Variants in CNOT6L observed in about 807,000 individuals in gnomAD.
CNOT6L encodes CCR4-NOT transcription complex subunit 6 like.
Under a neutral mutation model 64.0 loss-of-function variants are expected in CNOT6L, and 7 were observed. The observed-to-expected ratio is 0.11, with a 90% CI of 0.06 to 0.21. The LOEUF (loss-of-function observed/expected upper bound fraction) is 0.21. CNOT6L is among the 10% of genes least tolerant of loss of function. The pLI, the probability that CNOT6L is intolerant of heterozygous loss-of-function variation, is 1.00. For missense variants in CNOT6L, 245 were observed against 669.0 expected, an observed-to-expected ratio of 0.37 and a Z score of 6.99; for synonymous variants, 193 against 243.4, an observed-to-expected ratio of 0.79 and a Z score of 1.93.
chr4:77,816,719 C>A (rs1733625900), intron 1 of CNOT6L, among the ~76,000 whole-genome samples: 1 of 152,144 alleles, frequency 6.6e-6, no homozygotes, highest in South Asian at 2.1e-4. Flanking sequence ...GTAAGCCCTA[C>A]TGGGAAACCC....
At chr4:77,807,279 A>C (rs1004972632) in intron 1 of CNOT6L, among the ~76,000 whole-genome samples, 1 of 150,974 alleles carries the variant, frequency 6.6e-6, no homozygotes, top group African/African-American at 2.4e-5. Flanking sequence ...TCCATCTCAA[A>C]AAAAAAAAAA....
chr4:77,740,027 ATT>A (rs33987985), intron 8 of CNOT6L, among the ~76,000 whole-genome samples: 1 of 151,328 alleles, frequency 6.6e-6, no homozygotes. Context: ...TTACTGGTGC[ATT>A]TTTTTTTTAA....
At chr4:77,735,268 G>T (rs1390110434) in intron 8 of CNOT6L, among the ~76,000 whole-genome samples, 1 of 152,124 alleles carries the variant, frequency 6.6e-6, no homozygotes, top group African/African-American at 2.4e-5. Flanking sequence ...CCTTTCCACA[G>T]GTGTTGATTT....
intron 11 of CNOT6L, among the ~76,000 whole-genome samples, chr4:77,722,335 C>A (rs1383745910): frequency 6.6e-6 from 1 of 150,974 alleles, no homozygotes; most frequent in Non-Finnish European, 1.5e-5. Flanking sequence ...CCAAGGCGGG[C>A]AGATCACTTG....
At chr4:77,804,823 G>A (rs1470299800) in intron 1 of CNOT6L, among the ~76,000 whole-genome samples, 1 of 151,802 alleles carries the variant, frequency 6.6e-6, no homozygotes. Flanking sequence ...AATGAAAAAA[G>A]ATGTTTTCAA....
At chr4:77,758,108 C>T (rs1725766991) in intron 4 of CNOT6L, among the ~76,000 whole-genome samples, 1 of 152,068 alleles carries the variant, frequency 6.6e-6, no homozygotes, top group African/African-American at 2.4e-5. Context: ...CTTTGGAAGT[C>T]TGGTTGGTAG....
chr4:77,754,336 G>T (rs768844588), intron 5 of CNOT6L, among the ~76,000 whole-genome samples: 2 of 152,094 alleles, frequency 1.3e-5, no homozygotes, highest in African/African-American at 4.8e-5. Context: ...ATTTTTAAGC[G>T]AATTAAGAAG....
chr4:77,749,041 A>T (rs982454172), intron 5 of CNOT6L, among the ~76,000 whole-genome samples: 12 of 152,156 alleles, frequency 7.9e-5, no homozygotes, highest in African/African-American at 2.9e-4. Flanking sequence ...CTTTGAAATT[A>T]CAGTACAACT....
intron 1 of CNOT6L, among the ~76,000 whole-genome samples, chr4:77,797,102 C>CAAAATAAAAAAAA (rs1730935629): frequency 1.9e-5 from 1 of 52,988 alleles, no homozygotes; most frequent in Non-Finnish European, 3.1e-5. Context: ...GACCTTGTCT[C>CAAAATAAAAAAAA]AAAAAAAAAA....
intron 5 of CNOT6L, among the ~76,000 whole-genome samples, chr4:77,749,989 T>A (rs1173951302): frequency 1.3e-5 from 2 of 152,092 alleles, no homozygotes; most frequent in Non-Finnish European, 2.9e-5. Flanking sequence ...CTAAATAATA[T>A]CCATTTTAAG....
At chr4:77,766,228 T>A (rs575826570) in intron 4 of CNOT6L, among the ~76,000 whole-genome samples, 1 of 152,150 alleles carries the variant, frequency 6.6e-6, no homozygotes, top group Non-Finnish European at 1.5e-5. Flanking sequence ...ATATATATAT[T>A]TTACCATACA....
At chr4:77,748,239 T>C in intron 6 of CNOT6L, 77 bp downstream of exon 6, 2 of 992,746 alleles carry the variant, frequency 2.0e-6, no homozygotes, top group East Asian at 2.4e-5. Flanking sequence ...TGAAGTCTTA[T>C]TTATTACAGA....
intron 1 of CNOT6L, among the ~76,000 whole-genome samples, chr4:77,782,401 T>C (rs1167087569): frequency 1.3e-5 from 2 of 152,160 alleles, no homozygotes; most frequent in East Asian, 3.9e-4. Flanking sequence ...GGTACAATCA[T>C]AGCTCATTGC....
chr4:77,726,598 A>G (rs1721875649), intron 10 of CNOT6L, among the ~76,000 whole-genome samples: 1 of 152,218 alleles, frequency 6.6e-6, no homozygotes. Flanking sequence ...AGAACAAAAT[A>G]TATCAGGAAC....
chr4:77,756,686 T>C (rs1029454423), intron 5 of CNOT6L, among the ~76,000 whole-genome samples, 176 bp downstream of exon 5: 4 of 152,146 alleles, frequency 2.6e-5, no homozygotes, highest in East Asian at 1.9e-4. Context: ...GCTTGGTAAA[T>C]AGAAAACATT....
chr4:77,730,544 G>C (rs1722333925), intron 9 of CNOT6L, among the ~76,000 whole-genome samples: 1 of 151,944 alleles, frequency 6.6e-6, no homozygotes. Context: ...ACCAAACTTT[G>C]GGAAGAATAA....
intron 1 of CNOT6L, among the ~76,000 whole-genome samples, chr4:77,787,459 T>C (rs943704586): frequency 7.9e-5 from 12 of 152,190 alleles, no homozygotes; most frequent in Non-Finnish European, 1.8e-4. Flanking sequence ...CCTGTACTTA[T>C]ATTAAATATA....
chr4:77,759,016 C>T (rs75366537), intron 4 of CNOT6L, among the ~76,000 whole-genome samples: 1,601 of 152,060 alleles, frequency 0.011, 30 homozygotes, highest in African/African-American at 0.036. Flanking sequence ...TCCTCCCCCT[C>T]CGCACCTTAC....
At chr4:77,726,109 T>G (rs1235263147) in intron 11 of CNOT6L, 58 bp downstream of exon 11, 6 of 1,453,406 alleles carry the variant, frequency 4.1e-6, no homozygotes, top group Non-Finnish European at 4.8e-6. Context: ...TTACACCTTT[T>G]TTGTTACATG....
Sources: gnomAD v4.1 joint callset for allele counts (sites outside exome capture counted in the v4.1 genomes callset) on GRCh38, gnomAD v4.1.1 for gene constraint, MANE v1.5 for transcripts, NCBI Gene and HGNC (gene_info 2026-07-23, HGNC 2026-07-21) for gene names.